TLR6: variants seen among roughly 807,000 people sequenced by gnomAD.
TLR6 encodes the protein toll-like receptor 6.
A neutral mutation model predicts 16.1 loss-of-function variants in TLR6; 9 were observed. That is an observed-to-expected ratio of 0.56 (90% CI 0.34 to 0.98). The LOEUF (loss-of-function observed/expected upper bound fraction) is 0.98, where lower values mean the gene tolerates loss of function less well. TLR6 is among the 50% of genes least tolerant of loss of function. The pLI is 0.02. For missense variants in TLR6, 786 were observed against 921.0 expected, an observed-to-expected ratio of 0.85 and a Z score of 1.90; for synonymous variants, 340 against 338.6, an observed-to-expected ratio of 1.00 and a Z score of -0.04.
the TLR6 span, among the ~76,000 whole-genome samples, chr4:38,866,652 A>G: frequency 1.7e-3 from 254 of 152,200 alleles, no homozygotes; most frequent in African/African-American, 5.9e-3. Context: ...GTTGATATGT[A>G]TTGACCAAGA....
intron 1 of TLR6, among the ~76,000 whole-genome samples, chr4:38,843,127 T>C (rs1298804234): frequency 6.6e-6 from 1 of 152,156 alleles, no homozygotes; most frequent in Non-Finnish European, 1.5e-5. Context: ...TTATAGACAT[T>C]GACGTTCATG....
chr4:38,857,871 A>G (rs192284342), upstream of TLR6, among the ~76,000 whole-genome samples: 17 of 152,354 alleles, frequency 1.1e-4, no homozygotes, highest in Admixed American at 1.0e-3. Context: ...GGAGACAGCC[A>G]GAAAGCAGCA....
At chr4:38,852,600 C>T (rs1420363328) in intron 1 of TLR6, among the ~76,000 whole-genome samples, 1 of 152,108 alleles carries the variant, frequency 6.6e-6, no homozygotes, top group Non-Finnish European at 1.5e-5. Flanking sequence ...CAAAAGAAGA[C>T]ATTTATGCAG....
chr4:38,842,632 G>A (rs1334228968), intron 1 of TLR6, among the ~76,000 whole-genome samples: 1 of 151,612 alleles, frequency 6.6e-6, no homozygotes, highest in Non-Finnish European at 1.5e-5. Context: ...GCCCCCATGG[G>A]GGGCAAAGCC....
At chr4:38,846,088 C>CAAAAAAAAAA (rs10713614) in intron 1 of TLR6, among the ~76,000 whole-genome samples, 26 of 96,846 alleles carry the variant, frequency 2.7e-4, no homozygotes, top group South Asian at 3.7e-4. Flanking sequence ...CGAGACATCT[C>CAAAAAAAAAA]AAAAAAAAAA....
exon 2 of TLR6, chr4:38,824,584 G>A (rs547451646): frequency 1.4e-4 from 21 of 152,294 alleles, no homozygotes; most frequent in African/African-American, 4.8e-4. Context: ...TACTGTGGTT[G>A]TTTGTTGTTT....
At position 38,827,191 on chromosome 4, in the gene TLR6, C is replaced by T. The variant is rs772436736; in HGVS notation, c.2283G>A (p.Leu761=). Residue 761 remains leucine, a synonymous_variant, in exon 2 of 2, where the codon TTG becomes TTA. Coordinates refer to ENST00000436693, the Ensembl canonical transcript of TLR6. ...GTTTGCTTTTCTCCTTGGGCCACTGCAAATAAGTCCGCTGCGTCATGAGAG... is the reference window on the plus strand; with the variant it reads ...GTTTGCTTTTCTCCTTGGGCCACTGTAAATAAGTCCGCTGCGTCATGAGAG... 3 of 1,614,172 alleles carry T rather than the reference C, an allele frequency of 1.9e-6. No homozygotes were observed. The Admixed American group carries it at 5.0e-5, about 27-fold the overall frequency.
chr4:38,864,410 G>A, the TLR6 span, among the ~76,000 whole-genome samples: 1 of 152,176 alleles, frequency 6.6e-6, no homozygotes, highest in South Asian at 2.1e-4. Context: ...AGGGGAACCA[G>A]CTATTCCATT....
At chr4:38,825,364 A>G (rs1727496273) in exon 2 of TLR6, 1 of 152,246 alleles carries the variant, frequency 6.6e-6, no homozygotes, top group Non-Finnish European at 1.5e-5. Context: ...TGACGAAGGC[A>G]TATAGTCAGT....
chr4:38,860,717 C>T (rs1283228136), upstream of TLR6, among the ~76,000 whole-genome samples: 1 of 152,044 alleles, frequency 6.6e-6, no homozygotes, highest in Non-Finnish European at 1.5e-5. Context: ...GAAAAGGAAA[C>T]AGAAATAGCT....
chr4:38,868,036 C>A, the TLR6 span: 1 of 426,454 alleles, frequency 2.3e-6, no homozygotes, highest in Non-Finnish European at 4.8e-6. Flanking sequence ...GGCCGAGGGA[C>A]CTGCGTGGGT....
chr4:38,848,259 C>T (rs1019464205), intron 1 of TLR6, among the ~76,000 whole-genome samples: 1 of 152,158 alleles, frequency 6.6e-6, no homozygotes. Flanking sequence ...ACAGAAAGGA[C>T]ATCCACACCA....
chr4:38,866,667 T>A, the TLR6 span, among the ~76,000 whole-genome samples: 1 of 152,094 alleles, frequency 6.6e-6, no homozygotes, highest in South Asian at 2.1e-4. Context: ...CCAAGAAAGA[T>A]GATTATAATA....
intron 1 of TLR6, among the ~76,000 whole-genome samples, chr4:38,849,964 A>C (rs55998066): frequency 0.15 from 22,375 of 152,062 alleles, 2,187 homozygotes; most frequent in Middle Eastern, 0.38. Context: ...GCACTTATTG[A>C]TAACATAGTT....
At chr4:38,841,511 GC>G (rs779683061) in intron 1 of TLR6, among the ~76,000 whole-genome samples, 9 of 152,178 alleles carry the variant, frequency 5.9e-5, no homozygotes, top group Non-Finnish European at 1.3e-4. Context: ...GATGGCTTGA[GC>G]CCAGGAGACA....
chr4:38,866,111 A>C, the TLR6 span, among the ~76,000 whole-genome samples: 4 of 152,074 alleles, frequency 2.6e-5, no homozygotes, highest in Admixed American at 1.3e-4. Flanking sequence ...CCACAGATCA[A>C]GACTCTGTCC....
At chr4:38,828,051 A>T in exon 2 of TLR6, 2 of 1,614,220 alleles carry the variant, frequency 1.2e-6, no homozygotes, top group Non-Finnish European at 1.7e-6. Context: ...AGTTCTTGCA[A>T]AGCTTCCAGT....
In TLR6 at chr4:38,852,231, A is replaced by G. The variant is rs555407131; in HGVS notation, c.-65+4530T>C. On this transcript the variant is annotated intron_variant, in intron 1 of 1. Transcript: ENST00000436693. The stretch of plus-strand genomic sequence containing the variant: ...TTACACCTTATACAAACATTAATTC[A>G]AGATGGATTAAAGACTTAAATGTTA... Among the ~76,000 whole-genome samples, 5 of 152,354 alleles carry G rather than the reference A, an allele frequency of 3.3e-5. No individual in the cohort carries two copies. The South Asian group carries it at 1.0e-3, about 32-fold the overall frequency.
At chr4:38,833,604 T>C (rs967607464) in intron 1 of TLR6, among the ~76,000 whole-genome samples, 1 of 152,034 alleles carries the variant, frequency 6.6e-6, no homozygotes, top group Admixed American at 6.6e-5. Context: ...TTACATCAGA[T>C]CCATAGATAT....
Sources: allele counts gnomAD v4.1 joint callset (sites outside exome capture counted in the v4.1 genomes callset), GRCh38; gene constraint gnomAD v4.1.1; transcripts MANE v1.5; gene names NCBI Gene and HGNC (gene_info 2026-07-23, HGNC 2026-07-21).